B9D1: variants seen among roughly 807,000 people sequenced by gnomAD.
B9D1 encodes B9 domain containing 1, also known as B9 domain-containing protein 1.
In B9D1, 20 loss-of-function variants were observed where a neutral mutation model predicts 26.1. The ratio of observed to expected loss-of-function variants is 0.77; its 90% CI spans 0.54 to 1.12. B9D1 has a LOEUF of 1.12. B9D1 is among the 50% of genes most tolerant of loss of function. The probability of loss-of-function intolerance (pLI) is 0.00; values close to 1 mark genes in which losing one functional copy is unlikely to be tolerated. For missense variants in B9D1, 260 were observed against 273.7 expected, an observed-to-expected ratio of 0.95 and a Z score of 0.35; for synonymous variants, 105 against 103.1, an observed-to-expected ratio of 1.02 and a Z score of -0.11.
chr17:19,339,347 T>C (rs1242213125), downstream of B9D1, among the ~76,000 whole-genome samples: 1 of 152,132 alleles, frequency 6.6e-6, no homozygotes, highest in Non-Finnish European at 1.5e-5. Flanking sequence ...GCCTGTCCCT[T>C]TCCCCTAGAG....
At chr17:19,337,713 AAC>A, downstream of B9D1, 1 of 1,534,222 alleles carries the variant, frequency 6.5e-7, no homozygotes, top group Non-Finnish European at 8.7e-7. Context: ...TTCATCTTGA[AAC>A]ACTGCTATCT....
At position 19,343,838 on chromosome 17, in the gene B9D1, G is replaced by A. The variant is rs1196401724; in HGVS notation, c.424C>T (p.Pro142Ser). Residue 142 changes from proline (P) to serine (S), a missense_variant, in exon 6 of 7, where the codon CCC becomes TCC. Pro to Ser is a moderately conservative substitution (Grantham distance 74, BLOSUM62 -1). Coordinates refer to ENST00000261499, the MANE Select transcript of B9D1 (RefSeq NM_015681.6). Reference sequence around the variant, plus strand: ...ACCACCTTGGGGTCTGTGTACTCGGGCCGCCGCCCCATGAACCAGCTGGGA... The same window carrying A: ...ACCACCTTGGGGTCTGTGTACTCGGACCGCCGCCCCATGAACCAGCTGGGA... ...KFTSWFMGRR[P>S]EYTDPKVVAQ... 6.2e-7 allele frequency: 1 copy of A among 1,614,036 alleles called. No individual in the cohort carries two copies. Among genetic ancestry groups the A allele is most frequent in the Non-Finnish European group, 8.5e-7 (1 of 1,179,920 alleles).
intron 3 of B9D1, among the ~76,000 whole-genome samples, chr17:19,357,036 G>A (rs1910447837): frequency 6.6e-6 from 1 of 152,222 alleles, no homozygotes; most frequent in Non-Finnish European, 1.5e-5. Context: ...CAGGCCACGT[G>A]CAGTAGAAAG....
At chr17:19,335,218 C>T (rs1907348823), downstream of B9D1, 1 of 461,578 alleles carries the variant, frequency 2.2e-6, no homozygotes, top group African/African-American at 2.0e-5. Flanking sequence ...CTCCAGTTGC[C>T]TTTTCCTTTC....
intron 3 of B9D1, among the ~76,000 whole-genome samples, chr17:19,355,062 T>C (rs1318252828): frequency 6.6e-6 from 1 of 152,204 alleles, no homozygotes; most frequent in Non-Finnish European, 1.5e-5. Context: ...TATGGCAGAC[T>C]TTCAGTATTC....
upstream of B9D1, among the ~76,000 whole-genome samples, chr17:19,364,766 C>T (rs1252410602): frequency 6.6e-6 from 1 of 152,234 alleles, no homozygotes; most frequent in Non-Finnish European, 1.5e-5. The surrounding 1 kb of genome is among the most constrained non-coding windows in gnomAD (Gnocchi z 4.3). Context: ...ATTCCTCGCT[C>T]CCACCTCACT....
upstream of B9D1, among the ~76,000 whole-genome samples, chr17:19,365,726 T>C (rs184916122): frequency 6.6e-6 from 1 of 152,316 alleles, no homozygotes; most frequent in East Asian, 1.9e-4. The surrounding 1 kb of genome is among the most constrained non-coding windows in gnomAD (Gnocchi z 5.0). Flanking sequence ...TGGAATCCTA[T>C]GTGACTCAGG....
At chr17:19,335,182 AAAC>A (rs575660522), downstream of B9D1, 8 of 390,344 alleles carry the variant, frequency 2.0e-5, no homozygotes, top group Non-Finnish European at 3.2e-5. Context: ...TTTAAAAAAA[AAAC>A]AACAGCAACA....
At chr17:19,340,044 C>G (rs868006907), downstream of B9D1, among the ~76,000 whole-genome samples, 2,356 of 148,740 alleles carry the variant, frequency 0.016, 141 homozygotes, top group African/African-American at 0.054. Flanking sequence ...CCCCCCCCCC[C>G]CCCCGGCTTC....
chr17:19,356,311 T>TA (rs1910348635), intron 3 of B9D1, among the ~76,000 whole-genome samples: 1 of 152,256 alleles, frequency 6.6e-6, no homozygotes, highest in East Asian at 1.9e-4. Context: ...AGGCTGGTCT[T>TA]AAACTCCTGA....
chr17:19,337,708 C>G (rs1907563219), downstream of B9D1: 8 of 1,534,116 alleles, frequency 5.2e-6, no homozygotes, highest in East Asian at 1.7e-4. Flanking sequence ...CCGCTTTCAT[C>G]TTGAAACACT....
chr17:19,373,023 T>A (rs1357317856), intron 1 of B9D1, among the ~76,000 whole-genome samples: 1 of 152,132 alleles, frequency 6.6e-6, no homozygotes, highest in Non-Finnish European at 1.5e-5. Flanking sequence ...TGAGCCGGAC[T>A]CCCTGTGCCA....
At chr17:19,377,850 G>A (rs1408781033) in intron 1 of B9D1, 3 of 985,290 alleles carry the variant, frequency 3.0e-6, no homozygotes, top group Non-Finnish European at 3.6e-6. Context: ...ACGAGCGGAG[G>A]GAAGATACCT....
intron 1 of B9D1, among the ~76,000 whole-genome samples, chr17:19,375,894 C>G (rs1912076120): frequency 6.6e-6 from 1 of 152,174 alleles, no homozygotes; most frequent in Admixed American, 6.5e-5. Context: ...CAATCCCACT[C>G]CCAAGAGAAA....
At chr17:19,369,064 A>G (rs887639141) in intron 1 of B9D1, among the ~76,000 whole-genome samples, 2 of 152,208 alleles carry the variant, frequency 1.3e-5, no homozygotes, top group Non-Finnish European at 2.9e-5. Flanking sequence ...AGTGGATGAC[A>G]TTCTTTTTTT....
upstream of B9D1, among the ~76,000 whole-genome samples, chr17:19,364,875 T>C (rs981168412): frequency 1.6e-4 from 24 of 152,156 alleles, no homozygotes; most frequent in African/African-American, 5.3e-4. This position sits in a 1 kb window ranked among gnomAD's most constrained non-coding sequence, Gnocchi z 4.3. Flanking sequence ...TGGGCAGGGG[T>C]GAGGCTGGAA....
intron 5 of B9D1, among the ~76,000 whole-genome samples, chr17:19,346,135 C>CA (rs1418514065): frequency 6.6e-6 from 1 of 152,242 alleles, no homozygotes; most frequent in African/African-American, 2.4e-5. Context: ...CACTGATGGG[C>CA]ACTGCCTCGC....
intron 5 of B9D1, chr17:19,344,659 C>G (rs928072368): frequency 6.1e-6 from 1 of 164,542 alleles, no homozygotes; most frequent in African/African-American, 2.4e-5. Flanking sequence ...CACCCGGCCC[C>G]GAGGGTCGCT....
chr17:19,355,393 GTGGTGCA>G (rs777545423), intron 3 of B9D1, among the ~76,000 whole-genome samples: 37 of 152,116 alleles, frequency 2.4e-4, no homozygotes, highest in Non-Finnish European at 4.4e-4. Flanking sequence ...GCCGGACATG[GTGGTGCA>G]TGCCTGTAGT....
Sources: gnomAD v4.1 joint callset for allele counts (sites outside exome capture counted in the v4.1 genomes callset) on GRCh38, gnomAD v4.1.1 for gene constraint, Gnocchi (gnomAD v3.1) non-coding constraint, MANE v1.5 for transcripts, NCBI Gene and HGNC (gene_info 2026-07-23, HGNC 2026-07-21) for gene names.